The following ZNF365 variants were observed in gnomAD, a reference collection of about 807,000 sequenced individuals.
ZNF365 encodes zinc finger protein 365, also known as protein ZNF365.
In ZNF365, 22 loss-of-function variants were observed where a neutral mutation model predicts 35.0. The ratio of observed to expected loss-of-function variants is 0.63; its 90% confidence interval spans 0.45 to 0.90. ZNF365 has a LOEUF of 0.90. ZNF365 is among the 40% of genes least tolerant of loss of function. The probability of loss-of-function intolerance (pLI) is 0.00; values close to 1 mark genes in which losing one functional copy is unlikely to be tolerated. For missense variants in ZNF365, 448 were observed against 500.3 expected, an observed-to-expected ratio of 0.90 and a Z score of 1.00; for synonymous variants, 188 against 196.2, an observed-to-expected ratio of 0.96 and a Z score of 0.35.
intron 2 of ZNF365, among the ~76,000 whole-genome samples, chr10:62,386,389 G>A (rs1036625648): frequency 6.6e-6 from 1 of 152,176 alleles, no homozygotes; most frequent in African/African-American, 2.4e-5. Flanking sequence ...CTTATTTCTT[G>A]TGTGTGGATA....
At chr10:62,421,596 A>T (rs1413637831) in intron 3 of ZNF365, among the ~76,000 whole-genome samples, 1 of 152,202 alleles carries the variant, frequency 6.6e-6, no homozygotes, top group Admixed American at 6.5e-5. Context: ...ATGTACTGAC[A>T]GCCTCCCGAC....
At chr10:62,459,680 G>T in intron 3 of ZNF365, 1 of 1,537,292 alleles carries the variant, frequency 6.5e-7, no homozygotes, top group South Asian at 1.2e-5. Context: ...GTCTTGCTGT[G>T]ACTTATTCAG....
At chr10:62,473,847 G>T (rs954233991) in intron 4 of ZNF365, among the ~76,000 whole-genome samples, 1 of 152,182 alleles carries the variant, frequency 6.6e-6, no homozygotes, top group Non-Finnish European at 1.5e-5. Flanking sequence ...AACTCCAGAG[G>T]TTGGTATCAG....
chr10:62,439,991 T>G (rs1439093291), intron 3 of ZNF365, among the ~76,000 whole-genome samples: 1 of 152,172 alleles, frequency 6.6e-6, no homozygotes, highest in Admixed American at 6.5e-5. Flanking sequence ...TGTCCGCACT[T>G]TCTCCCGCAC....
chr10:62,407,183 A>C (rs1839918000), downstream of ZNF365, among the ~76,000 whole-genome samples: 1 of 152,178 alleles, frequency 6.6e-6, no homozygotes, highest in Admixed American at 6.5e-5. Flanking sequence ...GGGAGAAACA[A>C]AAATAAACCA....
chr10:62,404,268 T>C (rs1418222569), downstream of ZNF365, among the ~76,000 whole-genome samples: 1 of 152,218 alleles, frequency 6.6e-6, no homozygotes, highest in African/African-American at 2.4e-5. Flanking sequence ...ACCAATGTCC[T>C]GTGAGAAGAG....
At chr10:62,478,917 G>A (rs1841176765) in intron 4 of ZNF365, among the ~76,000 whole-genome samples, 1 of 152,148 alleles carries the variant, frequency 6.6e-6, no homozygotes, top group Non-Finnish European at 1.5e-5. Flanking sequence ...TTAAAATTTA[G>A]GCTAGTAGTT....
chr10:62,448,777 A>T (rs1388366252), intron 3 of ZNF365, among the ~76,000 whole-genome samples: 2 of 152,202 alleles, frequency 1.3e-5, no homozygotes, highest in Non-Finnish European at 2.9e-5. Flanking sequence ...TATATATGAA[A>T]TAAACAATTT....
chr10:62,388,181 ATATT>A (rs953761726), intron 2 of ZNF365, among the ~76,000 whole-genome samples: 2 of 152,186 alleles, frequency 1.3e-5, no homozygotes, highest in African/African-American at 2.4e-5. Context: ...CATCTGACAT[ATATT>A]TATTTGTTTG....
intron 4 of ZNF365, chr10:62,459,839 A>G (rs1381475925): frequency 1.3e-6 from 2 of 1,566,050 alleles, no homozygotes; most frequent in Non-Finnish European, 1.7e-6. Flanking sequence ...CCTGGTTACA[A>G]TAACCAGCAG....
At chr10:62,447,864 C>T (rs1326950954) in intron 3 of ZNF365, among the ~76,000 whole-genome samples, 1 of 152,170 alleles carries the variant, frequency 6.6e-6, no homozygotes, top group South Asian at 2.1e-4. Flanking sequence ...TGTCTTAACC[C>T]TCACATTGGT....
chr10:62,376,975 T>G (rs1839347783), intron 2 of ZNF365, 39 bp downstream of exon 2: 2 of 1,577,852 alleles, frequency 1.3e-6, no homozygotes, highest in East Asian at 2.2e-5. Context: ...CCCATTGCTT[T>G]AAGCAGCACC....
chr10:62,390,962 G>C (rs1589431634), intron 3 of ZNF365, among the ~76,000 whole-genome samples: 2 of 152,342 alleles, frequency 1.3e-5, no homozygotes, highest in East Asian at 3.9e-4. Context: ...ATTGGAATTT[G>C]CTCTGGGTGA....
intron 2 of ZNF365, among the ~76,000 whole-genome samples, chr10:62,380,405 A>G (rs1240392445): frequency 6.6e-6 from 1 of 152,220 alleles, no homozygotes; most frequent in Non-Finnish European, 1.5e-5. Flanking sequence ...AAGAATACAG[A>G]TATGTAATAC....
chr10:62,425,610 C>T (rs772519642), intron 3 of ZNF365, among the ~76,000 whole-genome samples: 3 of 152,148 alleles, frequency 2.0e-5, no homozygotes, highest in Non-Finnish European at 2.9e-5. Flanking sequence ...CTGTCCCTTC[C>T]CCAGATTTTC....
chr10:62,416,630 T>C (rs951260680), intron 3 of ZNF365, among the ~76,000 whole-genome samples: 12 of 152,112 alleles, frequency 7.9e-5, no homozygotes, highest in East Asian at 7.7e-4. Flanking sequence ...AGCAGACACA[T>C]AATTGTAGAA....
intron 4 of ZNF365, among the ~76,000 whole-genome samples, chr10:62,468,960 G>A (rs1840988593): frequency 1.3e-5 from 2 of 152,188 alleles, no homozygotes; most frequent in East Asian, 1.9e-4. Flanking sequence ...CTTCTTTGAA[G>A]AATTATAAAA....
At chr10:62,428,236 A>G (rs550614125) in intron 3 of ZNF365, among the ~76,000 whole-genome samples, 3 of 152,176 alleles carry the variant, frequency 2.0e-5, no homozygotes, top group Non-Finnish European at 4.4e-5. Context: ...CTCATGCCCT[A>G]TCTTTCCAGC....
intron 3 of ZNF365, among the ~76,000 whole-genome samples, chr10:62,420,027 T>G (rs1840141513): frequency 6.6e-6 from 1 of 152,158 alleles, no homozygotes; most frequent in African/African-American, 2.4e-5. Flanking sequence ...GAGATTTTGT[T>G]TTATATTTCT....
Sources: gnomAD v4.1 joint callset for allele counts (sites outside exome capture counted in the v4.1 genomes callset) on GRCh38, gnomAD v4.1.1 for gene constraint, MANE v1.5 for transcripts, NCBI Gene and HGNC (gene_info 2026-07-23, HGNC 2026-07-21) for gene names.